The following SVIL variants were observed in gnomAD, a reference collection of about 807,000 sequenced individuals.
SVIL encodes the protein archvillin.
In SVIL, 101 loss-of-function variants were observed where a neutral mutation model predicts 240.4. That is an observed-to-expected ratio of 0.42 (90% CI 0.36 to 0.50). The LOEUF (loss-of-function observed/expected upper bound fraction) is 0.50. Ranked by LOEUF, SVIL falls within the 20% of genes least tolerant of loss-of-function variation. SVIL has a pLI of 0.01. For missense variants in SVIL, 2,512 were observed against 2,818.7 expected, an observed-to-expected ratio of 0.89 and a Z score of 2.46; for synonymous variants, 999 against 1,100.0, an observed-to-expected ratio of 0.91 and a Z score of 1.82.
intron 1 of SVIL, among the ~76,000 whole-genome samples, chr10:29,610,960 C>T (rs1957223352): frequency 6.6e-6 from 1 of 152,178 alleles, no homozygotes; most frequent in Non-Finnish European, 1.5e-5. Context: ...GGCCCCGTAA[C>T]TGTGTTCAGC....
intron 1 of SVIL, among the ~76,000 whole-genome samples, chr10:29,625,581 A>G (rs1048984795): frequency 6.6e-6 from 1 of 152,036 alleles, no homozygotes; most frequent in African/African-American, 2.4e-5. Flanking sequence ...CTCCTGCCTC[A>G]GCCTCCCGAG....
rs190462709 is a variant in SVIL, at chr10:29,702,407, C to G, written c.-399-15756G>C. On this transcript the variant is annotated intron_variant, in intron 1 of 35. Coordinates refer to the SVIL transcript ENST00000375400. ...AGACAAAAACCATCCACACTGACCT[C>G]CCCGCTGGGTTCTGCGTGAGATTAA... Among the ~76,000 whole-genome samples the G allele has an allele frequency of 1.3e-3, 193 of 152,244 alleles. 1 individual carries two copies. The highest frequency in any genetic ancestry group is 4.0e-3 in the Admixed American group (61 of 15,294).
intron 2 of SVIL, among the ~76,000 whole-genome samples, chr10:29,677,456 T>C (rs1960285489): frequency 6.6e-6 from 1 of 152,198 alleles, no homozygotes. Flanking sequence ...TTGCCCAGGC[T>C]GGAGTGCAGT....
intron 5 of SVIL, among the ~76,000 whole-genome samples, chr10:29,553,603 T>TA (rs1480316683): frequency 2.6e-5 from 4 of 151,220 alleles, no homozygotes; most frequent in Admixed American, 6.6e-5. Flanking sequence ...TACAATTAAA[T>TA]AAAAAAAATA....
At position 29,470,483 on chromosome 10, in the gene SVIL, C is replaced by G. The variant is rs147385504; in HGVS notation, c.5636G>C (p.Ser1879Thr). ...RREEEEENVQ[S>T]EWRLYCVRGE... is the part of the protein sequence containing the mutation. ...ACGCACGCAGTACAGCCGCCACTCACCTGCAGGGGGCACCGGCGGCGCGGA... is the reference window on the plus strand; with the variant it reads ...ACGCACGCAGTACAGCCGCCACTCAGCTGCAGGGGGCACCGGCGGCGCGGA... The change falls in exon 32 of 38, where the codon AGT (serine) becomes ACT (threonine). Residue 1879 changes from serine (S) to threonine (T), a missense_variant and splice_region_variant. By Grantham distance (58) the Ser-to-Thr change is moderately conservative. Transcript: ENST00000355867. The G allele has an allele frequency of 6.2e-7, 1 of 1,614,100 alleles. No individual in the cohort carries two copies. Among genetic ancestry groups the G allele is most frequent in the South Asian group, 1.1e-5 (1 of 91,084 alleles).
chr10:29,508,927 C>T (rs1164856434), intron 17 of SVIL, among the ~76,000 whole-genome samples: 1 of 152,174 alleles, frequency 6.6e-6, no homozygotes, highest in African/African-American at 2.4e-5. Flanking sequence ...ACCGTGTGTG[C>T]CTTAACGTCG....
chr10:29,526,064 T>C (rs1293744360), intron 13 of SVIL, among the ~76,000 whole-genome samples: 1 of 152,220 alleles, frequency 6.6e-6, no homozygotes, highest in Non-Finnish European at 1.5e-5. Context: ...TGTGAGGACA[T>C]AATTTTAAAG....
intron 3 of SVIL, among the ~76,000 whole-genome samples, chr10:29,656,132 G>C (rs569507407): frequency 2.4e-4 from 36 of 151,114 alleles, no homozygotes; most frequent in Admixed American, 3.9e-4. Flanking sequence ...GCCTCCCAAA[G>C]TGCTGGTATT....
chr10:29,601,608 G>T (rs1289896312), intron 1 of SVIL, among the ~76,000 whole-genome samples: 2 of 152,212 alleles, frequency 1.3e-5, no homozygotes, highest in South Asian at 4.1e-4. Context: ...ACAGGTGACT[G>T]ACGGCCTACC....
At chr10:29,668,760 C>A (rs11007688) in intron 2 of SVIL, among the ~76,000 whole-genome samples, 1,926 of 152,336 alleles carry the variant, frequency 0.013, 23 homozygotes, top group Non-Finnish European at 0.022. Context: ...AGGTGTGAGT[C>A]ACTGCGCCCA....
intron 2 of SVIL, among the ~76,000 whole-genome samples, chr10:29,686,276 A>G (rs1447965438): frequency 1.3e-5 from 2 of 152,216 alleles, no homozygotes; most frequent in African/African-American, 2.4e-5. Flanking sequence ...CACACAGAAC[A>G]AGCTGGGAAT....
chr10:29,548,828 C>T (rs1349004880), intron 6 of SVIL, among the ~76,000 whole-genome samples: 2 of 151,976 alleles, frequency 1.3e-5, no homozygotes, highest in Admixed American at 6.6e-5. Context: ...AGAAAAGCGG[C>T]GAAAAGATAA....
At chr10:29,540,351 C>G (rs1589168052) in intron 6 of SVIL, among the ~76,000 whole-genome samples, 1 of 152,182 alleles carries the variant, frequency 6.6e-6, no homozygotes, top group African/African-American at 2.4e-5. Context: ...CATTCATCTC[C>G]TCGGCACTCG....
In SVIL at chr10:29,533,272, A is replaced by G; in HGVS notation, c.1095T>C (p.Arg365=). The change falls in exon 8 of 38, where the codon CGT becomes CGC. Residue 365 remains arginine, a synonymous_variant. Coordinates refer to ENST00000355867, the MANE Select transcript of SVIL (RefSeq NM_021738.3). ...KAAGSTRQPI[R]GYVQPADTGH... Reference sequence around the variant, plus strand: ...CGGTATCTGCGGGTTGGACATAGCCACGGATTGGCTGTCGTGTAGAGCCTG... The same window carrying G: ...CGGTATCTGCGGGTTGGACATAGCCGCGGATTGGCTGTCGTGTAGAGCCTG... 1.2e-6 allele frequency: 2 copies of G among 1,614,064 alleles called. No individual in the cohort carries two copies. Among genetic ancestry groups the G allele is most frequent in the South Asian group, 2.2e-5 (2 of 91,066 alleles).
chr10:29,685,536 A>T (rs909003700), intron 2 of SVIL, among the ~76,000 whole-genome samples: 1 of 152,202 alleles, frequency 6.6e-6, no homozygotes, highest in Non-Finnish European at 1.5e-5. Context: ...ACTCTCACCA[A>T]CAATGTATAA....
At chr10:29,459,251 T>C (rs1236987694) in intron 36 of SVIL, among the ~76,000 whole-genome samples, 1 of 152,204 alleles carries the variant, frequency 6.6e-6, no homozygotes, top group Non-Finnish European at 1.5e-5. Context: ...GCTGGCACTA[T>C]TGGCATGTGC....
At chr10:29,629,011 G>A (rs1957982971) in intron 1 of SVIL, among the ~76,000 whole-genome samples, 1 of 152,092 alleles carries the variant, frequency 6.6e-6, no homozygotes, top group Admixed American at 6.5e-5. Flanking sequence ...GGACATCAAA[G>A]TAACCAGGAG....
intron 29 of SVIL, among the ~76,000 whole-genome samples, chr10:29,477,575 C>A (rs1946333044): frequency 6.6e-6 from 1 of 152,206 alleles, no homozygotes; most frequent in Admixed American, 6.5e-5. Context: ...GTCCTGTTTG[C>A]AGGTGTGGCC....
At chr10:29,483,178 AGAT>A (rs1373079561) in intron 27 of SVIL, 6 of 152,246 alleles carry the variant, frequency 3.9e-5, no homozygotes, top group Non-Finnish European at 5.9e-5. Flanking sequence ...AGGCTTGCTA[AGAT>A]GATGATTGAA....
Sources: allele counts gnomAD v4.1 joint callset (sites outside exome capture counted in the v4.1 genomes callset), GRCh38; gene constraint gnomAD v4.1.1; transcripts MANE v1.5; gene names NCBI Gene and HGNC (gene_info 2026-07-23, HGNC 2026-07-21).